Variants in SDAD1 observed in about 807,000 individuals in gnomAD.
SDAD1 encodes SDA1 domain containing 1.
SDAD1 carries 79 observed loss-of-function variants against 100.3 expected under a neutral mutation model. The observed-to-expected ratio is 0.79, with a 90% CI of 0.66 to 0.95. The LOEUF (loss-of-function observed/expected upper bound fraction) is 0.95, where lower values mean the gene tolerates loss of function less well. SDAD1 is among the 40% of genes least tolerant of loss of function. SDAD1 has a pLI of 0.00. For synonymous variants in SDAD1, 267 were observed against 271.4 expected, an observed-to-expected ratio of 0.98 and a Z score of 0.16; for missense variants, 790 against 810.9, an observed-to-expected ratio of 0.97 and a Z score of 0.31.
chr4:75,955,881 C>T lies in SDAD1; in HGVS notation c.2016+94G>A, dbSNP rs1000378451. ...TGCTCCCAAGACACACACAATAATG[C>T]CCAGTCTTCAGAAGGCGCAAGTCCG... On this transcript the variant is annotated intron_variant, in intron 21 of 21. Transcript: ENST00000356260. 3.1e-5 allele frequency: 42 copies of T among 1,368,550 alleles called. No individual in the cohort carries two copies. The African/African-American group carries it at 5.4e-4, about 18-fold the overall frequency. 84.8% of individuals were successfully genotyped at this position (1,368,550 alleles called of 1,614,324 possible).
At chr4:75,987,856 A>T (rs2149334742) in intron 1 of SDAD1, among the ~76,000 whole-genome samples, 1 of 152,248 alleles carries the variant, frequency 6.6e-6, no homozygotes, top group Middle Eastern at 3.4e-3. Context: ...TATTTGACTC[A>T]TCAGCATCTG....
intron 2 of SDAD1, 145 bp from the exon 3 acceptor site, chr4:75,981,615 A>G: frequency 7.3e-7 from 1 of 1,370,096 alleles, no homozygotes; most frequent in South Asian, 1.3e-5. Context: ...TTTTCCTTCT[A>G]CATGTTAATT....
rs11315314 is a variant in SDAD1 at position 75,956,407 on chromosome 4, G to GT, written c.1855-272dup. Among the ~76,000 whole-genome samples, 356 of 128,520 alleles carry GT rather than the reference G, an allele frequency of 2.8e-3. 3 individuals carry two copies. Among genetic ancestry groups the GT allele is most frequent in the African/African-American group, 8.5e-3 (306 of 36,100 alleles). 84.3% of individuals were successfully genotyped at this position (128,520 alleles called of 152,430 possible). A position where few individuals can be genotyped will look rare whatever the true frequency, so the allele number is the denominator to read the frequency against. ...GAGACAGGTAGACTGTTTTTTTTTT[G>GT]TTTTTTTTTTTTTTGCAGGATGAAG... On this transcript the variant is annotated intron_variant, in intron 20 of 21. Transcript: ENST00000356260.
At chr4:75,967,979 A>C (rs1729643076) in intron 11 of SDAD1, among the ~76,000 whole-genome samples, 1 of 152,206 alleles carries the variant, frequency 6.6e-6, no homozygotes, top group Non-Finnish European at 1.5e-5. Flanking sequence ...GGTCTTTTTC[A>C]AGGTATATCA....
At chr4:75,956,750 T>C (rs575076348) in intron 20 of SDAD1, among the ~76,000 whole-genome samples, 1 of 152,342 alleles carries the variant, frequency 6.6e-6, no homozygotes, top group Non-Finnish European at 1.5e-5. Context: ...AGACATGTAA[T>C]ACTGCCTTCC....
Position 75,964,191 on chromosome 4 carries a change from C to T in SDAD1, c.1125G>A (p.Met375Ile), listed in dbSNP as rs1729407598. The stretch of plus-strand genomic sequence containing the variant: ...CGGTAACAAAATTGTTTGCCACAGT[C>T]ATAAGCAATGATTGAATAATCTGAA... ...VPPEIIQSLLMTVANNFVTDK... is the reference protein window; with the variant it reads ...VPPEIIQSLLITVANNFVTDK... Residue 375 changes from methionine (M) to isoleucine (I), a missense_variant, in exon 14 of 22, where the codon ATG becomes ATA. Met to Ile is a conservative substitution (Grantham distance 10). Transcript: ENST00000356260. The T allele has an allele frequency of 1.2e-6, 2 of 1,608,046 alleles. No homozygotes were observed. Among genetic ancestry groups the T allele is most frequent in the South Asian group, 2.2e-5 (2 of 89,852 alleles).
At chr4:75,957,210 T>C (rs1030698920) in intron 20 of SDAD1, 115 bp downstream of exon 20, 2 of 765,824 alleles carry the variant, frequency 2.6e-6, no homozygotes, top group Non-Finnish European at 4.3e-6. Flanking sequence ...GTGTTAATTA[T>C]ACCTTTATTT....
At chr4:75,969,030 CAAAAAAAAAAAA>C (rs35570189) in intron 11 of SDAD1, among the ~76,000 whole-genome samples, 2 of 64,000 alleles carry the variant, frequency 3.1e-5, no homozygotes, top group African/African-American at 1.5e-4. Flanking sequence ...GACTCTGTCT[CAAAAAAAAAAAA>C]AAAAAAAAAA....
chr4:75,988,903 A>G (rs746558154), intron 1 of SDAD1, among the ~76,000 whole-genome samples: 3 of 152,150 alleles, frequency 2.0e-5, no homozygotes, highest in South Asian at 2.1e-4. Flanking sequence ...CATAATTCCA[A>G]TGACACCACA....
intron 8 of SDAD1, among the ~76,000 whole-genome samples, chr4:75,972,282 C>T (rs1729910540): frequency 6.6e-6 from 1 of 151,914 alleles, no homozygotes; most frequent in Non-Finnish European, 1.5e-5. Context: ...CGCTTGGGTC[C>T]CTTTCCATGC....
At chr4:75,959,779 G>A (rs1729126337) in intron 17 of SDAD1, among the ~76,000 whole-genome samples, 2 of 152,034 alleles carry the variant, frequency 1.3e-5, no homozygotes, top group Non-Finnish European at 2.9e-5. Flanking sequence ...TTTTTTCTAG[G>A]CAACAAACAC....
At chr4:75,957,763 T>C (rs1378249318) in intron 18 of SDAD1, 55 bp from the exon 19 acceptor site, 8 of 1,612,374 alleles carry the variant, frequency 5.0e-6, no homozygotes, top group African/African-American at 1.3e-5. Context: ...AGCTCAGCCA[T>C]TTAAATTGTA....
intron 18 of SDAD1, 32 bp from the exon 19 acceptor site, chr4:75,957,740 C>T (rs1224845217): frequency 1.2e-6 from 2 of 1,613,150 alleles, no homozygotes; most frequent in East Asian, 2.2e-5. Context: ...AAATGGCTAC[C>T]AGCTCAAGTG....
At position 75,990,736 on chromosome 4, in the gene SDAD1, C is replaced by T. The variant is rs370243177; in HGVS notation, c.90+16G>A. 2.5e-6 allele frequency: 4 copies of T among 1,613,678 alleles called. No homozygotes were observed. Among genetic ancestry groups the T allele is most frequent in the African/African-American group, 2.7e-5 (2 of 75,058 alleles). On this transcript the variant is annotated intron_variant, in intron 1 of 21. Transcript: ENST00000356260. ...CCACTATCCGGCCTCTAGCGTCTGCCGCGCCGCACTCCCACCTCCTCGATG... is the reference window on the plus strand; with the variant it reads ...CCACTATCCGGCCTCTAGCGTCTGCTGCGCCGCACTCCCACCTCCTCGATG...
At chr4:75,971,559 C>T in intron 8 of SDAD1, 101 bp from the exon 9 acceptor site, 2 of 834,234 alleles carry the variant, frequency 2.4e-6, no homozygotes, top group Admixed American at 2.2e-5. Context: ...ACTCTTTGCA[C>T]ACAGCTATTA....
intron 3 of SDAD1, among the ~76,000 whole-genome samples, chr4:75,979,479 ATT>A (rs199942501): frequency 6.8e-6 from 1 of 146,314 alleles, no homozygotes. Context: ...TATTATTATT[ATT>A]TTTTTTTTTT....
Position 75,957,905 on chromosome 4 carries a change from T to A in SDAD1, c.1520A>T (p.Asp507Val). ...CACATCAATCCATTCACCATCAGCA[T>A]CCTCCTCCTCACTGAGACTGGTACT... The part of the protein sequence containing the change: ...WESTSLSEEE[D>V]ADGEWIDVQH... Residue 507 changes from aspartate (D) to valine (V), a missense_variant, in exon 18 of 22, where the codon GAT becomes GTT. Coordinates refer to ENST00000356260, the MANE Select transcript of SDAD1 (RefSeq NM_018115.4). The A allele has an allele frequency of 6.2e-7, 1 of 1,613,118 alleles. No homozygotes were observed. The highest frequency in any genetic ancestry group is 8.5e-7 in the Non-Finnish European group (1 of 1,179,978).
rs1730888262 is a variant in SDAD1, at chr4:75,986,287, A to C, written c.91-4250T>G. Among the ~76,000 whole-genome samples the C allele has an allele frequency of 2.0e-5, 3 of 151,860 alleles. No individual in the cohort carries two copies. The South Asian group carries it at 6.2e-4, about 32-fold the overall frequency. ...GCACAAATTCATAACTACAAACCTCAATTAAGCCCTGCGTGTACTCCAGCA... is the reference window on the plus strand; with the variant it reads ...GCACAAATTCATAACTACAAACCTCCATTAAGCCCTGCGTGTACTCCAGCA... On this transcript the variant is annotated intron_variant, in intron 1 of 21. Coordinates refer to ENST00000356260, the MANE Select transcript of SDAD1 (RefSeq NM_018115.4).
intron 21 of SDAD1, among the ~76,000 whole-genome samples, chr4:75,953,378 C>T (rs1189900388): frequency 2.0e-5 from 3 of 152,142 alleles, no homozygotes; most frequent in Non-Finnish European, 4.4e-5. Context: ...ACAAGGCCTA[C>T]CAACAGGGTA....
Sources: allele counts gnomAD v4.1 joint callset (sites outside exome capture counted in the v4.1 genomes callset), GRCh38; gene constraint gnomAD v4.1.1; transcripts MANE v1.5; gene names NCBI Gene and HGNC (gene_info 2026-07-23, HGNC 2026-07-21).